CBFB: variants seen among roughly 807,000 people sequenced by gnomAD.
The protein encoded by CBFB is CBF-beta.
In CBFB, 9 loss-of-function variants were observed where a neutral mutation model predicts 30.4. The observed-to-expected ratio is 0.30, with a 90% CI of 0.18 to 0.52. The LOEUF (loss-of-function observed/expected upper bound fraction) is 0.52. Ranked by LOEUF, CBFB falls within the 20% of genes least tolerant of loss-of-function variation. The probability of loss-of-function intolerance (pLI) is 0.97; values close to 1 mark genes in which losing one functional copy is unlikely to be tolerated. For synonymous variants in CBFB, 94 were observed against 84.0 expected (o/e 1.12, Z -0.65); for missense variants, 170 against 244.0 (o/e 0.70, Z 2.02).
chr16:67,033,954 G>T (rs889674023), intron 2 of CBFB, among the ~76,000 whole-genome samples: 7 of 150,652 alleles, frequency 4.6e-5, no homozygotes, highest in African/African-American at 1.5e-4. Flanking sequence ...TCAGCCTCCC[G>T]AGTAGCTAGG....
At chr16:67,077,006 T>C (rs970989861) in intron 4 of CBFB, among the ~76,000 whole-genome samples, 4 of 152,214 alleles carry the variant, frequency 2.6e-5, no homozygotes, top group Admixed American at 2.6e-4. Flanking sequence ...CTATAACTTC[T>C]AAAGGATAGA....
At chr16:67,094,697 A>C (rs1418043203) in intron 5 of CBFB, among the ~76,000 whole-genome samples, 1 of 152,204 alleles carries the variant, frequency 6.6e-6, no homozygotes, top group Non-Finnish European at 1.5e-5. Flanking sequence ...GCAGATGTTT[A>C]TATCACCATC....
chr16:67,047,780 T>C (rs1966654383), intron 3 of CBFB, among the ~76,000 whole-genome samples: 1 of 152,090 alleles, frequency 6.6e-6, no homozygotes, highest in African/African-American at 2.4e-5. Context: ...TGGCCATTTT[T>C]TTACTGGGTC....
In CBFB at chr16:67,100,670, C is replaced by T. The variant is rs1161133274; in HGVS notation, c.*1892C>T. On this transcript the variant is annotated 3_prime_UTR_variant, in exon 6 of 6. Coordinates refer to ENST00000412916, the MANE Select transcript of CBFB (RefSeq NM_022845.3). ...AAATAACATGATGATGGTACATTTT[C>T]CTCTATTGTCTAGCTAAGGGCTTTC... The T allele has an allele frequency of 4.6e-6, 1 of 219,410 alleles. No individual in the cohort carries two copies. The highest frequency in any genetic ancestry group is 9.2e-6 in the Non-Finnish European group (1 of 109,260). 13.6% of individuals were successfully genotyped at this position (219,410 alleles called of 1,614,324 possible).
intron 3 of CBFB, among the ~76,000 whole-genome samples, chr16:67,041,290 A>G (rs1966526233): frequency 6.6e-6 from 1 of 152,192 alleles, no homozygotes; most frequent in African/African-American, 2.4e-5. Context: ...TGACAGACTC[A>G]TGCTAGCTGC....
intron 3 of CBFB, among the ~76,000 whole-genome samples, chr16:67,038,219 C>T (rs897515776): frequency 7.9e-5 from 12 of 151,690 alleles, no homozygotes; most frequent in Non-Finnish European, 2.9e-5. Context: ...TAACCTGCCA[C>T]ATTTATGTAA....
chr16:67,046,932 G>A (rs1312445466), intron 3 of CBFB, among the ~76,000 whole-genome samples: 1 of 152,136 alleles, frequency 6.6e-6, no homozygotes, highest in Admixed American at 6.6e-5. Context: ...CACGTGAACA[G>A]TTGGAAAGTA....
chr16:67,046,656 A>G (rs1413668545), intron 3 of CBFB, among the ~76,000 whole-genome samples: 1 of 152,176 alleles, frequency 6.6e-6, no homozygotes, highest in Non-Finnish European at 1.5e-5. Context: ...AAGTTCCCTC[A>G]TGCCCCCTTG....
intron 3 of CBFB, among the ~76,000 whole-genome samples, chr16:67,044,561 T>A (rs1966590728): frequency 6.6e-6 from 1 of 152,232 alleles, no homozygotes; most frequent in Non-Finnish European, 1.5e-5. Context: ...TAAAAGTCTT[T>A]TAATTTATTT....
chr16:67,029,630 A>C, intron 1 of CBFB, 97 bp from the exon 2 acceptor site: 1 of 1,335,552 alleles, frequency 7.5e-7, no homozygotes, highest in Non-Finnish European at 1.0e-6. Context: ...CATCGCCCGC[A>C]GCCTCTGCTT....
intron 4 of CBFB, among the ~76,000 whole-genome samples, chr16:67,078,532 C>T (rs1002388859): frequency 6.6e-6 from 1 of 151,956 alleles, no homozygotes; most frequent in Non-Finnish European, 1.5e-5. Flanking sequence ...GGCTTGAGAG[C>T]GAGACCCCTT....
intron 3 of CBFB, among the ~76,000 whole-genome samples, chr16:67,046,200 G>A (rs1966625012): frequency 6.7e-6 from 1 of 149,982 alleles, no homozygotes; most frequent in African/African-American, 2.5e-5. Flanking sequence ...TCTGCCTCCT[G>A]GGCTCAAGCG....
intron 4 of CBFB, among the ~76,000 whole-genome samples, chr16:67,081,412 AC>A (rs1310624303): frequency 1.3e-5 from 2 of 152,138 alleles, no homozygotes; most frequent in East Asian, 3.9e-4. Flanking sequence ...CTTGGAACCA[AC>A]CCAGATGTCC....
chr16:67,074,190 T>C (rs1961320217), intron 4 of CBFB, among the ~76,000 whole-genome samples: 1 of 130,956 alleles, frequency 7.6e-6, no homozygotes. Flanking sequence ...TACATTTCTA[T>C]ATACCAGCAA....
chr16:67,062,763 A>G (rs1169272478), intron 3 of CBFB, among the ~76,000 whole-genome samples: 1 of 152,010 alleles, frequency 6.6e-6, no homozygotes. Context: ...ATTGCACTTC[A>G]GCCTGGGAGA....
chr16:67,048,607 G>A (rs1281540621), intron 3 of CBFB, among the ~76,000 whole-genome samples: 1 of 152,108 alleles, frequency 6.6e-6, no homozygotes, highest in East Asian at 1.9e-4. Flanking sequence ...CTGGAGTGCA[G>A]TGGCATGATC....
chr16:67,091,163 A>C (rs1961868979), intron 5 of CBFB, among the ~76,000 whole-genome samples: 1 of 152,188 alleles, frequency 6.6e-6, no homozygotes, highest in Admixed American at 6.6e-5. Context: ...AAAGGATACG[A>C]AATCTGACTT....
At chr16:67,050,709 C>T (rs1163493511) in intron 3 of CBFB, among the ~76,000 whole-genome samples, 2 of 152,012 alleles carry the variant, frequency 1.3e-5, no homozygotes, top group Non-Finnish European at 2.9e-5. Flanking sequence ...GGGAGAATTG[C>T]TTGAACCTAG....
intron 4 of CBFB, among the ~76,000 whole-genome samples, chr16:67,073,752 G>A (rs138764537): frequency 0.01 from 1,472 of 140,624 alleles, 10 homozygotes; most frequent in Middle Eastern, 0.016. Flanking sequence ...AAAAAAACAC[G>A]AGGCCGGGCG....
Sources: allele counts gnomAD v4.1 joint callset (sites outside exome capture counted in the v4.1 genomes callset), GRCh38; gene constraint gnomAD v4.1.1; transcripts MANE v1.5; gene names NCBI Gene and HGNC (gene_info 2026-07-23, HGNC 2026-07-21).